The following PCDH15 variants were observed in gnomAD, a reference collection of about 807,000 sequenced individuals.
The protein encoded by PCDH15 is protocadherin related 15.
In PCDH15, 129 loss-of-function variants were observed where a neutral mutation model predicts 178.5. The observed-to-expected ratio is 0.72, with a 90% CI of 0.63 to 0.84. The LOEUF (loss-of-function observed/expected upper bound fraction) is 0.84. Ranked by LOEUF, PCDH15 falls within the 40% of genes least tolerant of loss-of-function variation. The pLI is 0.00. For synonymous variants in PCDH15, 800 were observed against 732.0 expected, an observed-to-expected ratio of 1.09 and a Z score of -1.50; for missense variants, 2,230 against 2,099.9, an observed-to-expected ratio of 1.06 and a Z score of -1.21.
intron 3 of PCDH15, among the ~76,000 whole-genome samples, chr10:54,469,101 C>T (rs538727687): frequency 2.0e-5 from 3 of 152,050 alleles, no homozygotes; most frequent in African/African-American, 7.2e-5. Flanking sequence ...AAATTCATGT[C>T]TTTTTGTTTG....
At chr10:54,291,607 A>T (rs897382609) in intron 8 of PCDH15, among the ~76,000 whole-genome samples, 2 of 152,224 alleles carry the variant, frequency 1.3e-5, no homozygotes, top group African/African-American at 2.4e-5. Context: ...GAGAAGAATC[A>T]AACAGACACA....
chr10:54,750,626 TAA>T (rs1490647122), intron 1 of PCDH15, among the ~76,000 whole-genome samples: 4 of 152,262 alleles, frequency 2.6e-5, no homozygotes, highest in East Asian at 1.9e-4. Context: ...AATTATCAAC[TAA>T]GTTTATTTAA....
intron 2 of PCDH15, among the ~76,000 whole-genome samples, chr10:55,624,164 T>C (rs1009793016): frequency 3.3e-5 from 5 of 152,040 alleles, no homozygotes; most frequent in African/African-American, 1.2e-4. Flanking sequence ...CTGTGATTTG[T>C]GGTTAATATG....
intron 3 of PCDH15, among the ~76,000 whole-genome samples, chr10:54,389,709 C>T (rs1356351213): frequency 7.4e-5 from 11 of 149,032 alleles, no homozygotes; most frequent in Middle Eastern, 3.5e-3. Flanking sequence ...GAGGCCGAGG[C>T]GGGTGGATCA....
At chr10:54,694,334 C>T (rs574225404) in intron 1 of PCDH15, among the ~76,000 whole-genome samples, 11 of 152,102 alleles carry the variant, frequency 7.2e-5, no homozygotes, top group East Asian at 1.9e-4. Flanking sequence ...ACTAAAATGT[C>T]GAGAGACAAT....
intron 8 of PCDH15, among the ~76,000 whole-genome samples, chr10:54,286,394 A>G (rs1037146038): frequency 1.5e-4 from 23 of 152,214 alleles, no homozygotes; most frequent in African/African-American, 5.3e-4. Context: ...TTTGGCTCCT[A>G]GACACCTGAT....
intron 21 of PCDH15, among the ~76,000 whole-genome samples, chr10:53,976,563 C>T (rs538713846): frequency 1.3e-5 from 2 of 152,214 alleles, no homozygotes; most frequent in Non-Finnish European, 2.9e-5. Context: ...TCTGCATATA[C>T]TCATCCACAA....
chr10:54,480,680 A>G (rs2136918493), intron 3 of PCDH15, among the ~76,000 whole-genome samples: 1 of 152,148 alleles, frequency 6.6e-6, no homozygotes, highest in East Asian at 1.9e-4. Flanking sequence ...TTAAACCTAA[A>G]TAGAGAAGAT....
rs372095792 is a variant in PCDH15 at position 53,822,956 on chromosome 10, A to G, written c.4368-2726T>C. ...GCTGCAGATCTATGATCTCTGGTCT[A>G]TTTGGAACTTTCCTCATCAGCCTCC... On this transcript the variant is annotated intron_variant, in intron 32 of 37. Transcript: ENST00000644397. The G allele has an allele frequency of 1.9e-5, 31 of 1,613,872 alleles. No homozygotes were observed. Among genetic ancestry groups the G allele is most frequent in the Non-Finnish European group, 2.3e-5 (27 of 1,179,984 alleles).
chr10:54,097,795 G>A (rs553567452), intron 15 of PCDH15, among the ~76,000 whole-genome samples: 8 of 152,216 alleles, frequency 5.3e-5, no homozygotes, highest in Admixed American at 3.3e-4. Context: ...GGTATTAAGT[G>A]GACACAGGTC....
chr10:54,446,259 A>G (rs1565297783), intron 3 of PCDH15, among the ~76,000 whole-genome samples: 1 of 151,660 alleles, frequency 6.6e-6, no homozygotes, highest in Non-Finnish European at 1.5e-5. Context: ...AGGTTGAACT[A>G]TTTGCTATAT....
At chr10:55,007,020 C>A (rs1435032919) in intron 2 of PCDH15, among the ~76,000 whole-genome samples, 1 of 152,048 alleles carries the variant, frequency 6.6e-6, no homozygotes, top group African/African-American at 2.4e-5. Context: ...CCCCCAGCAC[C>A]CACAAGCATC....
chr10:55,010,034 A>G (rs1840014492), intron 2 of PCDH15, among the ~76,000 whole-genome samples: 1 of 152,138 alleles, frequency 6.6e-6, no homozygotes, highest in African/African-American at 2.4e-5. Context: ...ATAGTGTTTT[A>G]GTATTCTGAT....
chr10:54,196,005 G>C (rs958892585), intron 10 of PCDH15, 116 bp from the exon 11 acceptor site: 1 of 855,382 alleles, frequency 1.2e-6, no homozygotes, highest in Non-Finnish European at 1.8e-6. Context: ...ATCACATAAG[G>C]AAAAAATACG....
intron 1 of PCDH15, among the ~76,000 whole-genome samples, chr10:54,755,778 ATC>A (rs1946998490): frequency 6.6e-6 from 1 of 152,148 alleles, no homozygotes; most frequent in Admixed American, 6.6e-5. Context: ...AACTAAAAAT[ATC>A]TGTTGGCTCA....
chr10:54,963,175 C>A (rs1212545683), intron 2 of PCDH15, among the ~76,000 whole-genome samples: 1 of 152,114 alleles, frequency 6.6e-6, no homozygotes, highest in Non-Finnish European at 1.5e-5. Flanking sequence ...AGTCCCATGG[C>A]CCAGTAAATC....
At chr10:54,031,431 TG>T (rs1276073241) in intron 18 of PCDH15, among the ~76,000 whole-genome samples, 1 of 151,986 alleles carries the variant, frequency 6.6e-6, no homozygotes, top group Non-Finnish European at 1.5e-5. Context: ...AAATCTGTGG[TG>T]TATCCATGTA....
At chr10:54,496,966 C>A (rs1045000997) in intron 3 of PCDH15, among the ~76,000 whole-genome samples, 1 of 152,074 alleles carries the variant, frequency 6.6e-6, no homozygotes, top group Non-Finnish European at 1.5e-5. Flanking sequence ...TATTAACCCA[C>A]GCCTCACTGC....
At chr10:55,523,279 T>C (rs983468428) in intron 2 of PCDH15, among the ~76,000 whole-genome samples, 2 of 151,604 alleles carry the variant, frequency 1.3e-5, no homozygotes, top group African/African-American at 2.4e-5. Flanking sequence ...AGGTGTCATA[T>C]ATTTTCTTCA....
Sources: allele counts gnomAD v4.1 joint callset (sites outside exome capture counted in the v4.1 genomes callset), GRCh38; gene constraint gnomAD v4.1.1; transcripts MANE v1.5; gene names NCBI Gene and HGNC (gene_info 2026-07-23, HGNC 2026-07-21).